The following CLYBL variants were observed in gnomAD, a reference collection of about 807,000 sequenced individuals.
CLYBL encodes citramalyl-CoA lyase, mitochondrial.
A neutral mutation model predicts 38.9 loss-of-function variants in CLYBL; 31 were observed. That is an observed-to-expected ratio of 0.80 (90% confidence interval 0.60 to 1.08). CLYBL has a LOEUF of 1.08. Among genes scored for constraint, CLYBL ranks in the 50% least tolerant of loss-of-function variants. CLYBL has a pLI of 0.00. For synonymous variants in CLYBL, 171 were observed against 158.6 expected (o/e 1.08, Z -0.59); for missense variants, 434 against 411.6 (o/e 1.05, Z -0.47).
At chr13:99,614,854 G>A (rs2046685008) in intron 1 of CLYBL, among the ~76,000 whole-genome samples, 1 of 152,152 alleles carries the variant, frequency 6.6e-6, no homozygotes, top group Non-Finnish European at 1.5e-5. Flanking sequence ...GATCCAGAGG[G>A]AAGTTGAGGA....
At chr13:99,677,469 T>C (rs1366138067) in intron 1 of CLYBL, among the ~76,000 whole-genome samples, 1 of 152,172 alleles carries the variant, frequency 6.6e-6, no homozygotes, top group East Asian at 1.9e-4. Context: ...TAAATATGAG[T>C]GCACGTGTGT....
At chr13:99,729,983 A>G (rs79288229) in intron 1 of CLYBL, among the ~76,000 whole-genome samples, 4 of 149,394 alleles carry the variant, frequency 2.7e-5, no homozygotes, top group South Asian at 4.4e-4. Flanking sequence ...CACCACCGTC[A>G]GTCCCTCATC....
chr13:99,673,796 G>A (rs1293897684), intron 1 of CLYBL, among the ~76,000 whole-genome samples: 1 of 152,318 alleles, frequency 6.6e-6, no homozygotes, highest in East Asian at 1.9e-4. Context: ...TGTAGGAGAC[G>A]AGGGTTGAAG....
chr13:99,653,360 C>G (rs1445408297), intron 1 of CLYBL, among the ~76,000 whole-genome samples: 2 of 150,124 alleles, frequency 1.3e-5, no homozygotes, highest in African/African-American at 4.9e-5. Context: ...AGCCTGGGGA[C>G]AAGGAGGACC....
chr13:99,737,578 C>T (rs1412988464), intron 1 of CLYBL, among the ~76,000 whole-genome samples: 1 of 152,108 alleles, frequency 6.6e-6, no homozygotes, highest in African/African-American at 2.4e-5. Context: ...TTGGAGCTGG[C>T]GAGTCTGGGG....
intron 1 of CLYBL, among the ~76,000 whole-genome samples, chr13:99,754,126 T>G (rs1202783633): frequency 7.5e-6 from 1 of 132,710 alleles, no homozygotes; most frequent in African/African-American, 2.8e-5. Context: ...GTATTAGGAC[T>G]TGGCCGGGTG....
intron 1 of CLYBL, among the ~76,000 whole-genome samples, chr13:99,759,618 G>T (rs1425558245): frequency 6.6e-6 from 1 of 152,002 alleles, no homozygotes; most frequent in South Asian, 2.1e-4. Flanking sequence ...AAGGATACCA[G>T]ACACAGAATT....
chr13:99,644,167 G>A (rs964402020), intron 1 of CLYBL, among the ~76,000 whole-genome samples: 1 of 149,496 alleles, frequency 6.7e-6, no homozygotes, highest in Admixed American at 6.7e-5. Flanking sequence ...TATATGTGGT[G>A]TATGTATGTA....
chr13:99,695,700 A>G (rs1260099718), intron 1 of CLYBL, among the ~76,000 whole-genome samples: 2 of 152,044 alleles, frequency 1.3e-5, no homozygotes, highest in East Asian at 3.9e-4. Context: ...TTGTATTTTT[A>G]GTAGAGAGAG....
downstream of CLYBL, chr13:99,895,654 T>C (rs1334532155): frequency 2.0e-5 from 3 of 152,174 alleles, no homozygotes; most frequent in East Asian, 5.9e-4. Context: ...GGGCTGGTTT[T>C]GGAGGGGGTG....
Position 99,606,700 on chromosome 13 carries a change from C to A in CLYBL, c.5C>A (p.Ala2Glu), listed in dbSNP as rs756685660. 3.4e-6 allele frequency: 5 copies of A among 1,490,304 alleles called. No homozygotes were observed. Among genetic ancestry groups the A allele is most frequent in the Admixed American group, 2.2e-5 (1 of 45,778 alleles). 92.3% of individuals were successfully genotyped at this position (1,490,304 alleles called of 1,614,324 possible). A position where few individuals can be genotyped will look rare whatever the true frequency, so the allele number is the denominator to read the frequency against. Residue 2 changes from alanine to glutamate, a missense_variant, in exon 1 of 9, where the codon GCG becomes GAG. Coordinates refer to ENST00000339105, the MANE Select transcript of CLYBL (RefSeq NM_206808.5). The stretch of plus-strand genomic sequence containing the variant: ...CGGGGCGCGCGCGTCGGGAAGATGG[C>A]GCTACGTCTGCTGCGGAGGGCGGCG... The part of the protein sequence containing the change: M[A>E]LRLLRRAARG...
chr13:99,694,963 G>A (rs2047957245), intron 1 of CLYBL, among the ~76,000 whole-genome samples: 1 of 152,132 alleles, frequency 6.6e-6, no homozygotes, highest in Non-Finnish European at 1.5e-5. Flanking sequence ...TGGGAAAATG[G>A]TTAATCATCA....
At chr13:99,736,592 G>GA (rs1181399370) in intron 1 of CLYBL, among the ~76,000 whole-genome samples, 86 of 149,492 alleles carry the variant, frequency 5.8e-4, no homozygotes, top group African/African-American at 1.8e-3. Context: ...CATTTTCAAG[G>GA]AAAAAAAAAA....
At chr13:99,608,338 G>T (rs994024522) in intron 1 of CLYBL, among the ~76,000 whole-genome samples, 1 of 152,084 alleles carries the variant, frequency 6.6e-6, no homozygotes, top group Non-Finnish European at 1.5e-5. Context: ...CTCCCAAAGT[G>T]TTGGGATTAA....
At chr13:99,788,740 C>G (rs2049853032) in intron 2 of CLYBL, among the ~76,000 whole-genome samples, 1 of 152,206 alleles carries the variant, frequency 6.6e-6, no homozygotes, top group African/African-American at 2.4e-5. Context: ...AGGATTCTCT[C>G]TTTTTCTATT....
At position 99,664,791 on chromosome 13, in the gene CLYBL, G is replaced by A. The variant is rs114444982; in HGVS notation, c.62+58034G>A. Among the ~76,000 whole-genome samples, 1,165 of 152,068 alleles carry A rather than the reference G, an allele frequency of 7.7e-3. 16 individuals are homozygous for A. Among genetic ancestry groups the A allele is most frequent in the African/African-American group, 0.026 (1,059 of 41,516 alleles). ...ATTCCACATGATCTCTATAAAATAT[G>A]ACCAAAAAAACCGGGAAAATAAAAT... On this transcript the variant is annotated intron_variant, in intron 1 of 8. Coordinates refer to ENST00000339105, the MANE Select transcript of CLYBL (RefSeq NM_206808.5).
intron 1 of CLYBL, among the ~76,000 whole-genome samples, chr13:99,632,216 C>A (rs908565742): frequency 6.6e-6 from 1 of 152,144 alleles, no homozygotes; most frequent in Non-Finnish European, 1.5e-5. Flanking sequence ...TTGCACAAAT[C>A]CTTGGTTGGC....
intron 1 of CLYBL, among the ~76,000 whole-genome samples, chr13:99,633,327 G>A (rs1296539447): frequency 1.3e-5 from 2 of 151,686 alleles, no homozygotes; most frequent in Non-Finnish European, 2.9e-5. Flanking sequence ...ATCACTTGAG[G>A]TCAGGAGTTT....
chr13:99,652,493 C>T (rs185703302), intron 1 of CLYBL, among the ~76,000 whole-genome samples: 2 of 152,108 alleles, frequency 1.3e-5, no homozygotes, highest in East Asian at 3.9e-4. Flanking sequence ...GGATCACTTG[C>T]ACTCAGGAGT....
Sources: gnomAD v4.1 joint callset for allele counts (sites outside exome capture counted in the v4.1 genomes callset) on GRCh38, gnomAD v4.1.1 for gene constraint, MANE v1.5 for transcripts, NCBI Gene and HGNC (gene_info 2026-07-23, HGNC 2026-07-21) for gene names.